The following KIF26B variants were observed in gnomAD, a reference collection of about 807,000 sequenced individuals.
KIF26B encodes the protein kinesin family member 26B, also known as kinesin-like protein KIF26B.
KIF26B carries 63 observed loss-of-function variants against 151.2 expected under a neutral mutation model. The ratio of observed to expected loss-of-function variants is 0.42; its 90% CI spans 0.34 to 0.51. KIF26B has a LOEUF of 0.51. KIF26B is among the 20% of genes least tolerant of loss of function. The pLI is 0.07. For missense variants in KIF26B, 2,813 were observed against 2,913.6 expected (o/e 0.97, Z 0.79); for synonymous variants, 1,357 against 1,262.1 (o/e 1.08, Z -1.59).
At chr1:245,237,023 T>C (rs1319854582) in intron 2 of KIF26B, among the ~76,000 whole-genome samples, 1 of 152,248 alleles carries the variant, frequency 6.6e-6, no homozygotes, top group Non-Finnish European at 1.5e-5. Context: ...TCACAAATGC[T>C]TCTAAGGCTC....
intron 3 of KIF26B, among the ~76,000 whole-genome samples, chr1:245,389,455 G>T (rs1162582989): frequency 6.6e-6 from 1 of 151,884 alleles, no homozygotes; most frequent in African/African-American, 2.4e-5. Context: ...ACTCACATGT[G>T]CATGCAAGTA....
chr1:245,547,641 C>T (rs2789359), intron 5 of KIF26B, among the ~76,000 whole-genome samples: 54,650 of 149,502 alleles, frequency 0.37, 10,183 homozygotes, highest in Middle Eastern at 0.41. Context: ...TTAATATGAT[C>T]ACCTTTAATT....
chr1:245,392,363 T>C (rs1027565856), intron 3 of KIF26B, among the ~76,000 whole-genome samples: 1 of 152,226 alleles, frequency 6.6e-6, no homozygotes, highest in Non-Finnish European at 1.5e-5. Context: ...TCTGAGTACA[T>C]AGAGGCTGTT....
At chr1:245,683,063 G>A (rs1426462340) in intron 10 of KIF26B, among the ~76,000 whole-genome samples, 5 of 152,210 alleles carry the variant, frequency 3.3e-5, no homozygotes, top group African/African-American at 1.2e-4. Context: ...TCCCAGATGA[G>A]AAGGAAAAGC....
intron 2 of KIF26B, among the ~76,000 whole-genome samples, chr1:245,344,519 A>AAAGG (rs1672405944): frequency 6.7e-6 from 1 of 148,310 alleles, no homozygotes; most frequent in African/African-American, 2.6e-5. Flanking sequence ...AAAAAAAAAA[A>AAAGG]AAGGAAATGT....
At chr1:245,234,832 G>A (rs866388556) in intron 2 of KIF26B, among the ~76,000 whole-genome samples, 1 of 152,226 alleles carries the variant, frequency 6.6e-6, no homozygotes, top group South Asian at 2.1e-4. Context: ...GTGTTTCTAA[G>A]AGAATAAAAG....
intron 4 of KIF26B, among the ~76,000 whole-genome samples, chr1:245,434,122 CTCAA>C (rs1181192237): frequency 6.6e-6 from 1 of 152,152 alleles, no homozygotes; most frequent in East Asian, 1.9e-4. Flanking sequence ...CTCTTCAGTG[CTCAA>C]TCAAAGTGGC....
At chr1:245,294,888 C>G (rs1168983692) in intron 2 of KIF26B, among the ~76,000 whole-genome samples, 4 of 152,154 alleles carry the variant, frequency 2.6e-5, no homozygotes, top group Admixed American at 6.5e-5. Flanking sequence ...GTCTCGAACT[C>G]CTGATCTCAA....
At chr1:245,357,191 G>T (rs1672719304) in intron 2 of KIF26B, among the ~76,000 whole-genome samples, 1 of 152,238 alleles carries the variant, frequency 6.6e-6, no homozygotes, top group East Asian at 1.9e-4. Context: ...GGGGCCAGGG[G>T]AGGATTTTAA....
At chr1:245,297,042 C>T (rs1671348768) in intron 2 of KIF26B, among the ~76,000 whole-genome samples, 1 of 152,090 alleles carries the variant, frequency 6.6e-6, no homozygotes, top group African/African-American at 2.4e-5. Flanking sequence ...TTATTTGATT[C>T]TCAAAGTAAC....
At chr1:245,566,987 G>A (rs2043016953) in intron 5 of KIF26B, among the ~76,000 whole-genome samples, 4 of 152,102 alleles carry the variant, frequency 2.6e-5, no homozygotes, top group Admixed American at 2.6e-4. Context: ...TAGCCACTGT[G>A]AGCCAAAAGC....
At chr1:245,530,758 A>G (rs945450375) in intron 4 of KIF26B, among the ~76,000 whole-genome samples, 4 of 152,222 alleles carry the variant, frequency 2.6e-5, no homozygotes, top group African/African-American at 9.6e-5. Flanking sequence ...AAAGTTATCA[A>G]TAACATTTGG....
intron 4 of KIF26B, among the ~76,000 whole-genome samples, chr1:245,424,931 T>A (rs1311393357): frequency 6.8e-6 from 1 of 148,134 alleles, no homozygotes; most frequent in Non-Finnish European, 1.5e-5. Context: ...TACCTTCCCT[T>A]TTTTTTTCGA....
At chr1:245,191,338 G>A (rs988515720) in intron 2 of KIF26B, among the ~76,000 whole-genome samples, 1 of 151,890 alleles carries the variant, frequency 6.6e-6, no homozygotes, top group Non-Finnish European at 1.5e-5. Flanking sequence ...AGCTGGGCGT[G>A]ATGGCAGACG....
At chr1:245,417,304 T>A (rs1164948659) in intron 3 of KIF26B, among the ~76,000 whole-genome samples, 1 of 151,976 alleles carries the variant, frequency 6.6e-6, no homozygotes, top group Non-Finnish European at 1.5e-5. Flanking sequence ...GGGAAGACTT[T>A]TTTTTTTCTT....
At chr1:245,692,626 G>A (rs1046464552) in intron 12 of KIF26B, among the ~76,000 whole-genome samples, 1 of 152,016 alleles carries the variant, frequency 6.6e-6, no homozygotes, top group South Asian at 2.1e-4. Flanking sequence ...AGTCACACCC[G>A]GAACAAACAC....
intron 2 of KIF26B, among the ~76,000 whole-genome samples, chr1:245,225,595 CA>C (rs1464931652): frequency 1.3e-5 from 2 of 152,192 alleles, no homozygotes; most frequent in Non-Finnish European, 2.9e-5. Flanking sequence ...CACCCATCCA[CA>C]TTTCTGGCTT....
At position 245,698,420 on chromosome 1, in the gene KIF26B, CGGGCTTCTGGCATGGGTGGTGGGAAGG is replaced by C; in HGVS notation, c.6027+122_6027+148del. 1 of 1,005,008 alleles carries C rather than the reference CGGGCTTCTGGCATGGGTGGTGGGAAGG, an allele frequency of 1.0e-6. No individual in the cohort carries two copies. The highest frequency in any genetic ancestry group is 1.5e-6 in the Non-Finnish European group (1 of 689,368). 62.3% of individuals were successfully genotyped at this position (1,005,008 alleles called of 1,614,324 possible). On this transcript the variant is annotated intron_variant, in intron 13 of 14. Coordinates refer to ENST00000407071, the MANE Select transcript of KIF26B (RefSeq NM_018012.4). This position sits in a 1 kb window ranked among gnomAD's most constrained non-coding sequence, Gnocchi z 4.0. The stretch of plus-strand genomic sequence containing the variant: ...GAAAACTCAGACCCGGGCTTCCCAG[CGGGCTTCTGGCATGGGTGGTGGGAAGG>C]GGGCTTCTGTCCCAGCAAAGGGCCT...
intron 10 of KIF26B, among the ~76,000 whole-genome samples, chr1:245,682,384 C>T (rs993993124): frequency 2.0e-5 from 3 of 152,218 alleles, no homozygotes; most frequent in African/African-American, 7.2e-5. Context: ...AACACAGCTA[C>T]CATGAATAAC....
Sources: gnomAD v4.1 joint callset for allele counts (sites outside exome capture counted in the v4.1 genomes callset) on GRCh38, gnomAD v4.1.1 for gene constraint, Gnocchi (gnomAD v3.1) non-coding constraint, MANE v1.5 for transcripts, NCBI Gene and HGNC (gene_info 2026-07-23, HGNC 2026-07-21) for gene names.